Variants in FBXL7 observed in about 807,000 individuals in gnomAD.
FBXL7 encodes the protein F-box and leucine rich repeat protein 7, also known as F-box/LRR-repeat protein 7.
A neutral mutation model predicts 38.3 loss-of-function variants in FBXL7; 12 were observed. The observed-to-expected ratio is 0.31, with a 90% CI of 0.20 to 0.51. The LOEUF is 0.51. Ranked by LOEUF, FBXL7 falls within the 20% of genes least tolerant of loss-of-function variation. The probability of loss-of-function intolerance (pLI) is 0.98; values close to 1 mark genes in which losing one functional copy is unlikely to be tolerated. For synonymous variants in FBXL7, 297 were observed against 300.9 expected, an observed-to-expected ratio of 0.99 and a Z score of 0.13; for missense variants, 567 against 676.4, an observed-to-expected ratio of 0.84 and a Z score of 1.79.
chr5:15,656,302 G>A (rs151120725), intron 2 of FBXL7, among the ~76,000 whole-genome samples: 1 of 152,294 alleles, frequency 6.6e-6, no homozygotes, highest in East Asian at 1.9e-4. Context: ...AGATGTATTA[G>A]TTCATTTTCA....
intron 2 of FBXL7, among the ~76,000 whole-genome samples, chr5:15,793,632 C>T (rs1737333893): frequency 6.6e-6 from 1 of 152,104 alleles, no homozygotes; most frequent in Admixed American, 6.6e-5. Flanking sequence ...CACAAAAGCC[C>T]TGGGTGCAAA....
At chr5:15,517,738 C>A (rs1278096169) in intron 1 of FBXL7, among the ~76,000 whole-genome samples, 1 of 152,190 alleles carries the variant, frequency 6.6e-6, no homozygotes, top group Non-Finnish European at 1.5e-5. Context: ...GGGGACCCTT[C>A]TCCACTCCTT....
intron 2 of FBXL7, among the ~76,000 whole-genome samples, chr5:15,763,139 T>G (rs755141520): frequency 4.3e-4 from 66 of 152,342 alleles, no homozygotes; most frequent in Non-Finnish European, 8.7e-4. Context: ...AGAGGCAATA[T>G]GTATAGTGCT....
intron 2 of FBXL7, among the ~76,000 whole-genome samples, chr5:15,817,747 C>G (rs257746): frequency 0.53 from 80,972 of 152,028 alleles, 22,819 homozygotes; most frequent in Non-Finnish European, 0.64. Flanking sequence ...CTTCACCTTT[C>G]GCCATGATTG....
Position 15,883,072 on chromosome 5 carries a change from T to G in FBXL7, c.128-44818T>G, listed in dbSNP as rs1442921542. 2.0e-5 allele frequency among the ~76,000 whole-genome samples: 3 copies of G among 152,308 alleles called. No individual in the cohort carries two copies. The East Asian group carries it at 5.8e-4, about 29-fold the overall frequency. ...AAAATGGCAGCCAACTCCCAACTGT[T>G]AAAAATTCTTCATTATAATTAAAAT... is the stretch of plus-strand genomic sequence containing the variant. On this transcript the variant is annotated intron_variant, in intron 2 of 3. Transcript: ENST00000504595.
intron 2 of FBXL7, among the ~76,000 whole-genome samples, chr5:15,831,219 G>C (rs769203626): frequency 5.9e-5 from 9 of 152,140 alleles, no homozygotes; most frequent in Non-Finnish European, 8.8e-5. Context: ...ATTTGCGATT[G>C]TTTTGTCTCA....
intron 1 of FBXL7, among the ~76,000 whole-genome samples, chr5:15,608,008 A>G (rs1740087586): frequency 1.3e-5 from 2 of 152,234 alleles, no homozygotes; most frequent in Non-Finnish European, 2.9e-5. Flanking sequence ...TATTGGTCAA[A>G]TAAACAAATA....
chr5:15,598,327 T>TA (rs1739685961), intron 1 of FBXL7, among the ~76,000 whole-genome samples: 1 of 152,236 alleles, frequency 6.6e-6, no homozygotes, highest in Admixed American at 6.5e-5. Context: ...TATTACTTTA[T>TA]ACTTATTCAA....
At chr5:15,842,760 CTTGTTTGCCACTATG>C (rs1186985115) in intron 2 of FBXL7, among the ~76,000 whole-genome samples, 2 of 152,176 alleles carry the variant, frequency 1.3e-5, no homozygotes, top group Admixed American at 1.3e-4. Context: ...TGCACAAGCT[CTTGTTTGCCACTATG>C]TAAGACGTTA....
At chr5:15,870,013 G>A (rs1739884680) in intron 2 of FBXL7, among the ~76,000 whole-genome samples, 1 of 152,096 alleles carries the variant, frequency 6.6e-6, no homozygotes, top group South Asian at 2.1e-4. Flanking sequence ...AGGAGGCTGA[G>A]GTGGAAGGAT....
In FBXL7 at chr5:15,591,813, C is replaced by A. The variant is rs548014842; in HGVS notation, c.38-24170C>A. Among the ~76,000 whole-genome samples the A allele has an allele frequency of 5.8e-4, 89 of 152,206 alleles. 1 individual carries two copies. The highest frequency in any genetic ancestry group is 1.9e-3 in the African/African-American group (80 of 41,546). ...GCAACCTCCACCTCCCGGGTTCAAG[C>A]GATTCTTCTGCCTCAGCCTCCTGAG... On this transcript the variant is annotated intron_variant, in intron 1 of 3. Coordinates refer to ENST00000504595, the MANE Select transcript of FBXL7 (RefSeq NM_012304.5).
chr5:15,783,788 T>G (rs1267367805), intron 2 of FBXL7, among the ~76,000 whole-genome samples: 2 of 152,138 alleles, frequency 1.3e-5, no homozygotes, highest in Admixed American at 6.5e-5. Flanking sequence ...TTATTGATAT[T>G]ATTGATTGAG....
At chr5:15,727,636 T>G (rs760133685) in intron 2 of FBXL7, among the ~76,000 whole-genome samples, 5 of 152,180 alleles carry the variant, frequency 3.3e-5, no homozygotes, top group Non-Finnish European at 5.9e-5. Flanking sequence ...TCTTGCTACT[T>G]TCAAGATTTT....
intron 2 of FBXL7, among the ~76,000 whole-genome samples, chr5:15,921,311 G>T (rs1741734842): frequency 2.0e-5 from 3 of 150,740 alleles, no homozygotes; most frequent in Non-Finnish European, 4.4e-5. Context: ...AGCTGGGAAG[G>T]TGGAGGTTGC....
At chr5:15,744,363 T>C (rs1278608986) in intron 2 of FBXL7, among the ~76,000 whole-genome samples, 3 of 152,176 alleles carry the variant, frequency 2.0e-5, no homozygotes, top group Admixed American at 6.5e-5. Flanking sequence ...GCCACCAGTC[T>C]CTTTGCATAG....
chr5:15,742,122 T>C (rs964091861), intron 2 of FBXL7, among the ~76,000 whole-genome samples: 8 of 152,220 alleles, frequency 5.3e-5, no homozygotes, highest in Admixed American at 5.2e-4. Flanking sequence ...TATCCAAAAC[T>C]ACTTAATAAG....
intron 2 of FBXL7, among the ~76,000 whole-genome samples, chr5:15,712,680 TAAAAA>T (rs199771551): frequency 6.8e-6 from 1 of 147,078 alleles, no homozygotes; most frequent in African/African-American, 2.5e-5. Context: ...CAATAAAATT[TAAAAA>T]AAAAAGAAAA....
At chr5:15,554,296 C>T (rs1011730048) in intron 1 of FBXL7, among the ~76,000 whole-genome samples, 1 of 152,086 alleles carries the variant, frequency 6.6e-6, no homozygotes, top group Non-Finnish European at 1.5e-5. Context: ...TATATCCTTC[C>T]TCACTCTATA....
intron 1 of FBXL7, among the ~76,000 whole-genome samples, chr5:15,539,081 A>T (rs1355920229): frequency 6.6e-6 from 1 of 152,240 alleles, no homozygotes; most frequent in Non-Finnish European, 1.5e-5. Flanking sequence ...CACATAAAAC[A>T]TACTTATATA....
Sources: gnomAD v4.1 joint callset for allele counts (sites outside exome capture counted in the v4.1 genomes callset) on GRCh38, gnomAD v4.1.1 for gene constraint, MANE v1.5 for transcripts, NCBI Gene and HGNC (gene_info 2026-07-23, HGNC 2026-07-21) for gene names.